Variants in RANBP3 observed in about 807,000 individuals in gnomAD.
RANBP3 encodes RAN binding protein 3.
In RANBP3, 14 loss-of-function variants were observed where a neutral mutation model predicts 77.3. The observed-to-expected ratio is 0.18, with a 90% CI of 0.12 to 0.28. RANBP3 has a LOEUF of 0.28. Ranked by LOEUF, RANBP3 falls within the 10% of genes least tolerant of loss-of-function variation. The probability of loss-of-function intolerance (pLI) is 1.00; values close to 1 mark genes in which losing one functional copy is unlikely to be tolerated. For missense variants in RANBP3, 586 were observed against 752.3 expected (o/e 0.78, Z 2.59); for synonymous variants, 315 against 312.4 (o/e 1.01, Z -0.09).
At chr19:5,920,123 G>A (rs947526377) in intron 14 of RANBP3, among the ~76,000 whole-genome samples, 2 of 152,124 alleles carry the variant, frequency 1.3e-5, no homozygotes, top group African/African-American at 2.4e-5. Context: ...TGGTCCCAGC[G>A]CAGTGGCCCA....
chr19:5,940,073 C>T (rs1332223362), intron 5 of RANBP3, among the ~76,000 whole-genome samples: 11 of 152,338 alleles, frequency 7.2e-5, no homozygotes, highest in East Asian at 1.9e-4. Flanking sequence ...ACTCACTCTA[C>T]GCAGAATGGA....
intron 3 of RANBP3, among the ~76,000 whole-genome samples, chr19:5,944,123 C>G: frequency 6.6e-6 from 1 of 152,174 alleles, no homozygotes. Context: ...ACGCTGGGAG[C>G]AGATGATTAT....
intron 1 of RANBP3, among the ~76,000 whole-genome samples, chr19:5,971,889 G>A (rs533311702): frequency 8.2e-4 from 125 of 152,290 alleles, no homozygotes; most frequent in African/African-American, 2.9e-3. Flanking sequence ...GTAACATGGC[G>A]GAGACCACAA....
At chr19:5,970,249 T>C (rs1026004263) in intron 1 of RANBP3, among the ~76,000 whole-genome samples, 1 of 152,164 alleles carries the variant, frequency 6.6e-6, no homozygotes, top group Non-Finnish European at 1.5e-5. Flanking sequence ...GCTGGATCTC[T>C]AACTCACATT....
At chr19:5,974,316 A>G (rs1456756212) in intron 1 of RANBP3, 1 of 152,170 alleles carries the variant, frequency 6.6e-6, no homozygotes, top group Non-Finnish European at 1.5e-5. Context: ...TCTAGAATCC[A>G]AGATTCCCTG....
intron 12 of RANBP3, 121 bp downstream of exon 12, chr19:5,923,691 G>A (rs2057859565): frequency 6.9e-6 from 5 of 724,696 alleles, no homozygotes; most frequent in Admixed American, 4.8e-5. Context: ...TGGTTCACAT[G>A]TGGTTGTTAC....
Position 5,958,713 on chromosome 19 carries a change from A to T in RANBP3, c.23-740T>A, listed in dbSNP as rs909076541. 6.6e-6 allele frequency among the ~76,000 whole-genome samples: 1 copy of T among 152,262 alleles called. No individual in the cohort carries two copies. Among genetic ancestry groups the T allele is most frequent in the Middle Eastern group, 3.2e-3 (1 of 316 alleles). On this transcript the variant is annotated intron_variant, in intron 1 of 16. Transcript: ENST00000340578. This position sits in a 1 kb window ranked among gnomAD's most constrained non-coding sequence, Gnocchi z 4.4. ...GCCCTGCTGCCCGCACAGGAAGCAC[A>T]GATGAGGACTGCCTCGACCCCACGA...
At chr19:5,922,833 A>C (rs1184837718) in intron 13 of RANBP3, among the ~76,000 whole-genome samples, 1 of 152,180 alleles carries the variant, frequency 6.6e-6, no homozygotes, top group African/African-American at 2.4e-5. Flanking sequence ...CCAGCTACTC[A>C]GGCGACTGAG....
intron 1 of RANBP3, among the ~76,000 whole-genome samples, chr19:5,968,127 T>C (rs1406151962): frequency 6.6e-6 from 1 of 152,216 alleles, no homozygotes; most frequent in African/African-American, 2.4e-5. Context: ...CCAACACAGC[T>C]GAGGCAACAT....
At chr19:5,974,781 C>A (rs1387188345) in intron 1 of RANBP3, among the ~76,000 whole-genome samples, 1 of 152,192 alleles carries the variant, frequency 6.6e-6, no homozygotes, top group Non-Finnish European at 1.5e-5. Flanking sequence ...AGGCCCAGAA[C>A]CCACCCAACA....
chr19:5,918,499 G>T lies in RANBP3; in HGVS notation c.1470C>A (p.Ile490=). 6.2e-7 allele frequency: 1 copy of T among 1,610,456 alleles called. No homozygotes were observed. The highest frequency in any genetic ancestry group is 8.5e-7 in the Non-Finnish European group (1 of 1,178,778). ...TGCACCCGCGTGGCTGGCTCACCGA[G>T]ATCAGGAAGACCTTCACGCCCTGGT... is the stretch of plus-strand genomic sequence containing the variant. ...TEDQGVKVFL[I]SASSKDTGQL... The change falls in exon 15 of 17, where the codon ATC becomes ATA. Residue 490 remains isoleucine (I), a synonymous_variant. Transcript: ENST00000340578.
chr19:5,932,398 G>A (rs888392742), intron 7 of RANBP3, 54 bp downstream of exon 7: 13 of 1,484,958 alleles, frequency 8.8e-6, no homozygotes, highest in South Asian at 6.9e-5. Context: ...GTGCGACTTC[G>A]GGAACGCTCT....
rs1323746079 is a variant in RANBP3, at chr19:5,921,190, C to T, written c.1330+11G>A. 1.0e-5 allele frequency: 16 copies of T among 1,607,302 alleles called. No individual in the cohort carries two copies. Among genetic ancestry groups the T allele is most frequent in the Middle Eastern group, 1.6e-4 (1 of 6,066 alleles). ...GGGACCCGGCCACAGCCCCCGCCGT[C>T]GGCAGCTCACCTAGTCGGGACTGTA... On this transcript the variant is annotated intron_variant, in intron 14 of 16. Coordinates refer to ENST00000340578, the MANE Select transcript of RANBP3 (RefSeq NM_007322.3). The surrounding 1 kb of genome is among the most constrained non-coding windows in gnomAD (Gnocchi z 5.3).
At chr19:5,951,339 G>T in intron 3 of RANBP3, 54 bp downstream of exon 3, 1 of 1,480,898 alleles carries the variant, frequency 6.8e-7, no homozygotes, top group Non-Finnish European at 9.2e-7. Context: ...AAAGTGGCTG[G>T]TCTGGGTTGG....
In RANBP3 at chr19:5,960,434, T is replaced by C. The variant is rs181753747; in HGVS notation, c.23-2461A>G. ...ATGCTTTCTTTCTCTTCACAGCAAG[T>C]GTCACTGCCTGATCCACTCCATATT... On this transcript the variant is annotated intron_variant, in intron 1 of 16. Transcript: ENST00000340578. Among the ~76,000 whole-genome samples, 6 of 152,300 alleles carry C rather than the reference T, an allele frequency of 3.9e-5. No individual in the cohort carries two copies. In the East Asian group the frequency reaches 9.6e-4, roughly 24 times the overall value.
intron 1 of RANBP3, among the ~76,000 whole-genome samples, 175 bp downstream of exon 1, chr19:5,977,886 T>C (rs898586063): frequency 3.3e-5 from 5 of 152,066 alleles, no homozygotes; most frequent in African/African-American, 9.7e-5. Context: ...GCCGGGCCGG[T>C]GAGCCCGGCC....
chr19:5,955,907 G>A (rs375544749), intron 2 of RANBP3, among the ~76,000 whole-genome samples: 1 of 152,248 alleles, frequency 6.6e-6, no homozygotes, highest in African/African-American at 2.4e-5. Context: ...TTCGAGACCA[G>A]CTTGGGCAAC....
intron 3 of RANBP3, among the ~76,000 whole-genome samples, chr19:5,942,841 G>C (rs568046314): frequency 6.6e-6 from 1 of 152,198 alleles, no homozygotes; most frequent in South Asian, 2.1e-4. Flanking sequence ...GAAACATGGT[G>C]AGACTCTGTC....
chr19:5,974,082 G>C (rs117756749), intron 1 of RANBP3, among the ~76,000 whole-genome samples: 1 of 152,042 alleles, frequency 6.6e-6, no homozygotes, highest in Admixed American at 6.5e-5. Flanking sequence ...TTGTCATGAC[G>C]ACCCCGCGAG....
Sources: allele counts gnomAD v4.1 joint callset (sites outside exome capture counted in the v4.1 genomes callset), GRCh38; gene constraint gnomAD v4.1.1; non-coding constraint Gnocchi (gnomAD v3.1); transcripts MANE v1.5; gene names NCBI Gene and HGNC (gene_info 2026-07-23, HGNC 2026-07-21).